The following ALDH6A1 variants were observed in gnomAD, a reference collection of about 807,000 sequenced individuals.
ALDH6A1 encodes methylmalonate-semialdehyde/malonate-semialdehyde dehydrogenase [acylating], mitochondrial.
Under a neutral mutation model 62.6 loss-of-function variants are expected in ALDH6A1, and 43 were observed. The observed-to-expected ratio is 0.69, with a 90% confidence interval of 0.54 to 0.89. ALDH6A1 has a LOEUF of 0.89. ALDH6A1 is among the 40% of genes least tolerant of loss of function. The pLI is 0.00. For missense variants in ALDH6A1, 551 were observed against 661.3 expected, an observed-to-expected ratio of 0.83 and a Z score of 1.83; for synonymous variants, 194 against 234.2, an observed-to-expected ratio of 0.83 and a Z score of 1.57.
chr14:74,057,035 G>A lies in ALDH6A1; in HGVS notation c.*3607C>T. On this transcript the variant is annotated 3_prime_UTR_variant, in exon 12 of 12. Coordinates refer to ENST00000553458, the MANE Select transcript of ALDH6A1 (RefSeq NM_005589.4). ...ATGAGCCCAACACGATGGTTCTTGT[G>A]GGCATCTTGAATGTGCTAATTGAAA... 3 of 1,586,844 alleles carry A rather than the reference G, an allele frequency of 1.9e-6. No individual in the cohort carries two copies. The highest frequency in any genetic ancestry group is 2.6e-6 in the Non-Finnish European group (3 of 1,158,710).
At chr14:74,061,681 A>G (rs138026242) in intron 11 of ALDH6A1, among the ~76,000 whole-genome samples, 86 of 152,262 alleles carry the variant, frequency 5.6e-4, no homozygotes, top group African/African-American at 1.9e-3. Flanking sequence ...GGCAAACCCA[A>G]AGTATCTTAG....
chr14:74,065,822 A>G lies in ALDH6A1; in HGVS notation c.1225-462T>C, dbSNP rs551908560. The G allele has an allele frequency of 6.2e-5, 11 of 177,614 alleles. No individual in the cohort carries two copies. In the South Asian group the frequency reaches 1.4e-3, roughly 22 times the overall value. The allele number at this position is 177,614 out of a possible 1,614,324, so 11.0% of individuals were successfully genotyped here. On this transcript the variant is annotated intron_variant, in intron 9 of 11. Transcript: ENST00000553458. ...TTATTCACTCCTTTGCCTCCCAAAT[A>G]TGTCTGTATGTTTATATTTTGATAT... is the stretch of plus-strand genomic sequence containing the variant.
Position 74,067,571 on chromosome 14 carries a change from T to TA in ALDH6A1, c.853-3dup, listed in dbSNP as rs528185481. On this transcript the variant is annotated splice_region_variant and splice_polypyrimidine_tract_variant and intron_variant, in intron 7 of 11. Transcript: ENST00000553458. ...GACTACCCCATGGTTCTTGGCTCCC[T>TA]AAAAAAAAATGCAGAAAGCACATGA... 3,773 of 1,548,414 alleles carry TA rather than the reference T, an allele frequency of 2.4e-3. 56 individuals are homozygous for TA. In the African/African-American group the frequency reaches 0.039, roughly 16 times the overall value.
rs753692427 is a variant in ALDH6A1, at chr14:74,067,410, C to T, written c.1012G>A (p.Glu338Lys). ...EAKKWLPELV[E>K]HAKNLRVNAG... ...TTGACTCTCAGGTTTTTGGCATGCT[C>T]CACCAGCTCTGGCAGCCACTTCTTG... The change falls in exon 8 of 12, where the codon GAG becomes AAG. Residue 338 changes from glutamate to lysine, a missense_variant. Transcript: ENST00000553458. 6.2e-7 allele frequency: 1 copy of T among 1,613,794 alleles called. No homozygotes were observed. The highest frequency in any genetic ancestry group is 1.3e-5 in the African/African-American group (1 of 75,018).
At chr14:74,064,193 G>C (rs1379075612) in intron 11 of ALDH6A1, among the ~76,000 whole-genome samples, 1 of 151,650 alleles carries the variant, frequency 6.6e-6, no homozygotes, top group African/African-American at 2.4e-5. Context: ...AGCTATTCGG[G>C]AGGCTGAGGC....
chr14:74,082,797 G>T (rs902744665), intron 1 of ALDH6A1: 2 of 152,116 alleles, frequency 1.3e-5, no homozygotes, highest in Non-Finnish European at 2.9e-5. Context: ...GGTCACTTCA[G>T]AAGTTTCTCC....
chr14:74,063,273 G>A lies in ALDH6A1; in HGVS notation c.1503+1549C>T, dbSNP rs143049035. On this transcript the variant is annotated intron_variant, in intron 11 of 11. Transcript: ENST00000553458. ...GCAATCTCGGCTCACTGCAACTTCC[G>A]CCTCCCAGATTCAAAGGATTCTTCT... Among the ~76,000 whole-genome samples, 49 of 150,474 alleles carry A rather than the reference G, an allele frequency of 3.3e-4. 1 individual carries two copies. In the East Asian group the frequency reaches 8.9e-3, roughly 27 times the overall value.
At chr14:74,079,443 T>C (rs1024477884) in intron 1 of ALDH6A1, among the ~76,000 whole-genome samples, 76 of 143,718 alleles carry the variant, frequency 5.3e-4, no homozygotes, top group Middle Eastern at 3.5e-3. Flanking sequence ...TTTTTTTTTT[T>C]CTTTTTTTGA....
At chr14:74,079,499 T>C (rs2060650435) in intron 1 of ALDH6A1, among the ~76,000 whole-genome samples, 1 of 151,414 alleles carries the variant, frequency 6.6e-6, no homozygotes, top group African/African-American at 2.4e-5. Context: ...AGTTGCGCGA[T>C]CTTGGCTCAC....
At chr14:74,084,212 C>G (rs549124115) in intron 1 of ALDH6A1, 135 bp downstream of exon 1, 1 of 1,328,150 alleles carries the variant, frequency 7.5e-7, no homozygotes, top group Admixed American at 2.0e-5. Context: ...GGGACAGGGC[C>G]GCACAGGTCG....
At chr14:74,067,968 G>A (rs906727573) in intron 7 of ALDH6A1, among the ~76,000 whole-genome samples, 2 of 146,580 alleles carry the variant, frequency 1.4e-5, no homozygotes, top group Non-Finnish European at 3.0e-5. Flanking sequence ...GTTGTCTGCT[G>A]GGTTTTTTAG....
chr14:74,079,401 C>T (rs2060647726), intron 1 of ALDH6A1, among the ~76,000 whole-genome samples: 1 of 151,512 alleles, frequency 6.6e-6, no homozygotes, highest in African/African-American at 2.4e-5. Flanking sequence ...CATATGCCAC[C>T]ACACCCGGCT....
intron 11 of ALDH6A1, among the ~76,000 whole-genome samples, chr14:74,062,315 G>GACT (rs1173257357): frequency 6.6e-6 from 1 of 151,696 alleles, no homozygotes; most frequent in Non-Finnish European, 1.5e-5. Context: ...CAAAAGCTGT[G>GACT]ACTAGGCCGG....
At chr14:74,064,949 C>G in intron 10 of ALDH6A1, 29 bp from the exon 11 acceptor site, 1 of 1,594,562 alleles carries the variant, frequency 6.3e-7, no homozygotes, top group Non-Finnish European at 8.6e-7. Context: ...GTGTCATATC[C>G]TAAGGACAAA....
Position 74,066,785 on chromosome 14 carries a change from G to A in ALDH6A1, c.1144C>T (p.Leu382Phe). The A allele has an allele frequency of 6.2e-7, 1 of 1,613,992 alleles. No individual in the cohort carries two copies. Among genetic ancestry groups the A allele is most frequent in the Non-Finnish European group, 8.5e-7 (1 of 1,179,938 alleles). The stretch of plus-strand genomic sequence containing the variant: ...ACTTTAATTTTTCGTCCATCAAGAA[G>A]GATGGAAGCTCCCTCCTTTGTTCCA... ...DSGTKEGASI[L>F]LDGRKIKVKG... is the part of the protein sequence containing the mutation. The change falls in exon 9 of 12, where the codon CTT (leucine) becomes TTT (phenylalanine). Residue 382 changes from leucine (L) to phenylalanine (F), a missense_variant. Leu to Phe is a conservative substitution (Grantham distance 22). Coordinates refer to ENST00000553458, the MANE Select transcript of ALDH6A1 (RefSeq NM_005589.4).
At chr14:74,074,217 T>G (rs1304077390) in intron 2 of ALDH6A1, among the ~76,000 whole-genome samples, 1 of 151,678 alleles carries the variant, frequency 6.6e-6, no homozygotes, top group African/African-American at 2.4e-5. Context: ...ACTCTGACAA[T>G]CCACCTGCCT....
intron 1 of ALDH6A1, among the ~76,000 whole-genome samples, chr14:74,076,348 G>A (rs1342610021): frequency 6.6e-6 from 1 of 152,134 alleles, no homozygotes; most frequent in Non-Finnish European, 1.5e-5. Flanking sequence ...CACTAAAAAA[G>A]TCTGTATATA....
chr14:74,077,857 A>C (rs1375865269), intron 1 of ALDH6A1, among the ~76,000 whole-genome samples: 1 of 152,220 alleles, frequency 6.6e-6, no homozygotes, highest in Non-Finnish European at 1.5e-5. Flanking sequence ...TTGTTCACCT[A>C]CTTCAGAGTT....
chr14:74,068,405 G>A lies in ALDH6A1; in HGVS notation c.852+455C>T, dbSNP rs150877272. Among the ~76,000 whole-genome samples the A allele has an allele frequency of 5.6e-4, 84 of 151,002 alleles. No individual in the cohort carries two copies. In the East Asian group the frequency reaches 9.1e-3, roughly 16 times the overall value. ...AAAAAAAAGAAAAAAAGTGATTAAC[G>A]TGACTTAGAATGAAACTCCTCAAAA... is the stretch of plus-strand genomic sequence containing the variant. On this transcript the variant is annotated intron_variant, in intron 7 of 11. Coordinates refer to ENST00000553458, the MANE Select transcript of ALDH6A1 (RefSeq NM_005589.4).
Sources: allele counts gnomAD v4.1 joint callset (sites outside exome capture counted in the v4.1 genomes callset), GRCh38; gene constraint gnomAD v4.1.1; transcripts MANE v1.5; gene names NCBI Gene and HGNC (gene_info 2026-07-23, HGNC 2026-07-21).